CAPZA1: variants seen among roughly 807,000 people sequenced by gnomAD.
The protein encoded by CAPZA1 is F-actin-capping protein subunit alpha-1.
A neutral mutation model predicts 40.8 loss-of-function variants in CAPZA1; 10 were observed. The ratio of observed to expected loss-of-function variants is 0.25; its 90% CI spans 0.15 to 0.42. CAPZA1 has a LOEUF of 0.42. Among genes scored for constraint, CAPZA1 ranks in the 10% least tolerant of loss-of-function variants. CAPZA1 has a pLI of 1.00. For synonymous variants in CAPZA1, 98 were observed against 115.0 expected (o/e 0.85, Z 0.95); for missense variants, 277 against 353.8 (o/e 0.78, Z 1.74).
chr1:112,658,427 A>G (rs1476799005), intron 5 of CAPZA1, among the ~76,000 whole-genome samples: 3 of 152,182 alleles, frequency 2.0e-5, no homozygotes, highest in East Asian at 3.8e-4. Flanking sequence ...TCCCATTAAT[A>G]TAACTCTGAC....
chr1:112,657,260 G>A (rs1009305836), intron 5 of CAPZA1, among the ~76,000 whole-genome samples: 19 of 151,988 alleles, frequency 1.3e-4, no homozygotes, highest in African/African-American at 3.9e-4. Flanking sequence ...CACCAGGCCC[G>A]GCCTATTTCT....
In CAPZA1 at chr1:112,635,789, T is replaced by C. The variant is rs564494399; in HGVS notation, c.40-11421T>C. ...GCTCACGCCTGTAATCCCAGCACTT[T>C]AGGAGGCTGAGGCAGGCAGATCATG... On this transcript the variant is annotated intron_variant, in intron 1 of 9. Transcript: ENST00000263168. 1.6e-4 allele frequency among the ~76,000 whole-genome samples: 24 copies of C among 152,218 alleles called. 1 individual carries two copies. In the South Asian group the frequency reaches 3.7e-3, roughly 24 times the overall value.
At chr1:112,669,782 A>C (rs958330224) in intron 9 of CAPZA1, among the ~76,000 whole-genome samples, 177 bp downstream of exon 9, 4 of 152,178 alleles carry the variant, frequency 2.6e-5, no homozygotes, top group Non-Finnish European at 5.9e-5. Context: ...GGGTTTGAGG[A>C]TTGCTTGGGA....
At chr1:112,623,930 C>T (rs1171774629) in intron 1 of CAPZA1, among the ~76,000 whole-genome samples, 4 of 133,022 alleles carry the variant, frequency 3.0e-5, no homozygotes, top group East Asian at 2.5e-4. Context: ...GGTGTGAACC[C>T]GGGAGGCAGA....
chr1:112,651,491 G>C (rs1306047711), intron 3 of CAPZA1, among the ~76,000 whole-genome samples: 1 of 152,136 alleles, frequency 6.6e-6, no homozygotes, highest in Non-Finnish European at 1.5e-5. Flanking sequence ...TACTTAAGTA[G>C]AGCCTACAAG....
intron 1 of CAPZA1, 49 bp from the exon 2 acceptor site, chr1:112,647,161 T>G (rs748764764): frequency 1.2e-6 from 1 of 844,594 alleles, no homozygotes; most frequent in Non-Finnish European, 1.8e-6. Context: ...TCTCCTTTTA[T>G]ATGTTACTCT....
chr1:112,639,718 A>G (rs1291551135), intron 1 of CAPZA1, among the ~76,000 whole-genome samples: 1 of 151,444 alleles, frequency 6.6e-6, no homozygotes, highest in Admixed American at 6.6e-5. Flanking sequence ...AAATTAAAGG[A>G]TGAGGGATGT....
At chr1:112,639,005 T>C (rs1403938538) in intron 1 of CAPZA1, among the ~76,000 whole-genome samples, 1 of 146,194 alleles carries the variant, frequency 6.8e-6, no homozygotes, top group Non-Finnish European at 1.5e-5. Flanking sequence ...TTATATATTA[T>C]ATAATTTTAA....
At chr1:112,635,764 G>A (rs1329264285) in intron 1 of CAPZA1, among the ~76,000 whole-genome samples, 1 of 152,132 alleles carries the variant, frequency 6.6e-6, no homozygotes, top group Admixed American at 6.5e-5. Flanking sequence ...GGGCTTAGTG[G>A]CTCACGCCTG....
At chr1:112,641,075 C>CA (rs1671146791) in intron 1 of CAPZA1, among the ~76,000 whole-genome samples, 1 of 152,202 alleles carries the variant, frequency 6.6e-6, no homozygotes, top group African/African-American at 2.4e-5. Context: ...CCCAGGGACA[C>CA]AAACGCTGCG....
At chr1:112,662,357 T>C (rs1462616315) in intron 7 of CAPZA1, among the ~76,000 whole-genome samples, 1 of 151,598 alleles carries the variant, frequency 6.6e-6, no homozygotes, top group Admixed American at 6.6e-5. Context: ...ATAACATTAG[T>C]GTATTAGGTA....
intron 2 of CAPZA1, among the ~76,000 whole-genome samples, chr1:112,647,726 T>C (rs1671309576): frequency 6.6e-6 from 1 of 152,222 alleles, no homozygotes; most frequent in Non-Finnish European, 1.5e-5. Flanking sequence ...TATCTTCCCC[T>C]CAAGATTCAC....
chr1:112,625,851 C>T (rs1670794397), intron 1 of CAPZA1: 1 of 152,304 alleles, frequency 6.6e-6, no homozygotes, highest in Non-Finnish European at 1.5e-5. Context: ...TCCAGTCTAA[C>T]ATCAGCTTGT....
intron 3 of CAPZA1, chr1:112,649,704 G>A (rs528295583): frequency 1.7e-5 from 9 of 521,672 alleles, no homozygotes; most frequent in South Asian, 2.7e-5. Flanking sequence ...ACATTTGCCC[G>A]ATTAAAGCAG....
chr1:112,667,449 A>C lies in CAPZA1; in HGVS notation c.657+304A>C, dbSNP rs140361898. Among the ~76,000 whole-genome samples the C allele has an allele frequency of 1.1e-4, 17 of 152,312 alleles. No individual in the cohort carries two copies. The East Asian group carries it at 3.3e-3, about 29-fold the overall frequency. On this transcript the variant is annotated intron_variant, in intron 8 of 9. Coordinates refer to ENST00000263168, the MANE Select transcript of CAPZA1 (RefSeq NM_006135.3). The stretch of plus-strand genomic sequence containing the variant: ...TACCAAGAGCAAGGAAAGTTTACCA[A>C]ACTGCATCCTATAGGGCTGCATTTA...
chr1:112,626,560 T>C (rs541239266), intron 1 of CAPZA1, among the ~76,000 whole-genome samples: 63 of 152,364 alleles, frequency 4.1e-4, no homozygotes, highest in African/African-American at 1.3e-3. Flanking sequence ...GTATCTTTTC[T>C]AATTCTATGC....
chr1:112,639,213 A>G (rs1171598516), intron 1 of CAPZA1, among the ~76,000 whole-genome samples: 1 of 152,076 alleles, frequency 6.6e-6, no homozygotes, highest in Non-Finnish European at 1.5e-5. Context: ...TGATAACTAC[A>G]TTATTTTTAA....
intron 5 of CAPZA1, 76 bp downstream of exon 5, chr1:112,654,747 C>A: frequency 2.2e-6 from 2 of 911,970 alleles, no homozygotes; most frequent in Non-Finnish European, 1.6e-6. Flanking sequence ...TTTGGCCTAC[C>A]AAACATCCCT....
chr1:112,644,761 A>C (rs1312084877), intron 1 of CAPZA1, among the ~76,000 whole-genome samples: 2 of 152,142 alleles, frequency 1.3e-5, no homozygotes, highest in Non-Finnish European at 2.9e-5. Context: ...ATACTGAGAG[A>C]CCCATTTGTG....
Sources: gnomAD v4.1 joint callset for allele counts (sites outside exome capture counted in the v4.1 genomes callset) on GRCh38, gnomAD v4.1.1 for gene constraint, MANE v1.5 for transcripts, NCBI Gene and HGNC (gene_info 2026-07-23, HGNC 2026-07-21) for gene names.